The following SPTB variants were observed in gnomAD, a reference collection of about 807,000 sequenced individuals.
SPTB encodes the protein spectrin beta, erythrocytic.
A neutral mutation model predicts 256.2 loss-of-function variants in SPTB; 45 were observed. The ratio of observed to expected loss-of-function variants is 0.18; its 90% confidence interval spans 0.14 to 0.23. The LOEUF is 0.23. SPTB is among the 10% of genes least tolerant of loss of function. SPTB has a pLI of 1.00. For synonymous variants in SPTB, 1,231 were observed against 1,243.1 expected, an observed-to-expected ratio of 0.99 and a Z score of 0.21; for missense variants, 2,715 against 3,040.4, an observed-to-expected ratio of 0.89 and a Z score of 2.52.
chr14:64,772,871 G>C lies in SPTB; in HGVS notation c.5262C>G (p.Ile1754Met). Residue 1754 changes from isoleucine (I) to methionine (M), a missense_variant, in exon 26 of 36, where the codon ATC becomes ATG. This residue lies in a region of SPTB where 2,239 missense variants were observed against 2,384.4 expected (regional missense o/e 0.94). Transcript: ENST00000644917. The surrounding 1 kb of genome is among the most constrained non-coding windows in gnomAD (Gnocchi z 5.4). ...QERVDNVNAF[I>M]ERLIDAGHSE... is the part of the protein sequence containing the mutation. ...TGTGGCCCGCGTCGATGAGTCGCTC[G>C]ATGAAGGCATTCACATTGTCCACCC... 6.2e-7 allele frequency: 1 copy of C among 1,610,900 alleles called. No individual in the cohort carries two copies. Among genetic ancestry groups the C allele is most frequent in the East Asian group, 2.2e-5 (1 of 44,802 alleles).
intron 2 of SPTB, among the ~76,000 whole-genome samples, chr14:64,821,631 C>A (rs891799705): frequency 6.6e-6 from 1 of 152,182 alleles, no homozygotes; most frequent in Non-Finnish European, 1.5e-5. Flanking sequence ...TACACAAAAG[C>A]AATGGGTCAC....
In SPTB at chr14:64,860,507, G is replaced by GT. The variant is rs758862990; in HGVS notation, c.-52+19284dup. 3.2e-3 allele frequency among the ~76,000 whole-genome samples: 470 copies of GT among 147,276 alleles called. 2 individuals carry two copies. The highest frequency in any genetic ancestry group is 9.6e-3 in the African/African-American group (388 of 40,318). ...GCACATGTGTGGAAGCCAGGTCTGTGTTTTTTTTTTTATAACTATGCTTCA... is the reference window on the plus strand; with the variant it reads ...GCACATGTGTGGAAGCCAGGTCTGTGTTTTTTTTTTTTATAACTATGCTTCA... On this transcript the variant is annotated intron_variant, in intron 1 of 35. Coordinates refer to ENST00000644917, the MANE Select transcript of SPTB (RefSeq NM_001355436.2).
rs2083599746 is a variant in SPTB, at chr14:64,841,099, T to G, written c.-51-17954A>C. The stretch of plus-strand genomic sequence containing the variant: ...TTGTGTATTTATTGAGAGTTTACCT[T>G]GTGCCTGGCATTGGATTTTGTAAAC... On this transcript the variant is annotated intron_variant, in intron 1 of 35. Coordinates refer to ENST00000644917, the MANE Select transcript of SPTB (RefSeq NM_001355436.2). This position sits in a 1 kb window ranked among gnomAD's most constrained non-coding sequence, Gnocchi z 4.6. Among the ~76,000 whole-genome samples, 1 of 152,208 alleles carries G rather than the reference T, an allele frequency of 6.6e-6. No individual in the cohort carries two copies. Among genetic ancestry groups the G allele is most frequent in the South Asian group, 2.1e-4 (1 of 4,836 alleles).
In SPTB at chr14:64,795,553, C is replaced by T; in HGVS notation, c.1428G>A (p.Glu476=). The part of the protein sequence containing the change: ...AIETDTAAYE[E]RVRALEDLAQ... Reference sequence around the variant, plus strand: ...CCAGGTCCTCCAGGGCTCTCACCCGCTCCTCGTAGGCAGCCGTGTCGGTCT... The same window carrying T: ...CCAGGTCCTCCAGGGCTCTCACCCGTTCCTCGTAGGCAGCCGTGTCGGTCT... The change falls in exon 12 of 36, where the codon GAG becomes GAA. Residue 476 remains glutamate (E), a synonymous_variant. Transcript: ENST00000644917. The surrounding 1 kb of genome is among the most constrained non-coding windows in gnomAD (Gnocchi z 6.5). 3 of 1,614,176 alleles carry T rather than the reference C, an allele frequency of 1.9e-6. No individual in the cohort carries two copies. The highest frequency in any genetic ancestry group is 1.7e-6 in the Non-Finnish European group (2 of 1,180,030).
chr14:64,869,032 A>G (rs1027412019), intron 1 of SPTB, among the ~76,000 whole-genome samples: 1 of 152,162 alleles, frequency 6.6e-6, no homozygotes, highest in African/African-American at 2.4e-5. Flanking sequence ...ATTAAAAAAA[A>G]AAAAAAGAAA....
Position 64,790,592 on chromosome 14 carries a change from A to C in SPTB, c.2804+1127T>G, listed in dbSNP as rs2082652206. 6.6e-6 allele frequency among the ~76,000 whole-genome samples: 1 copy of C among 152,182 alleles called. No individual in the cohort carries two copies. Among genetic ancestry groups the C allele is most frequent in the Non-Finnish European group, 1.5e-5 (1 of 68,018 alleles). On this transcript the variant is annotated intron_variant, in intron 15 of 35. Transcript: ENST00000644917. The surrounding 1 kb of genome is among the most constrained non-coding windows in gnomAD (Gnocchi z 4.8). ...CTAGTGGCTCTAAAGAATTCTGGTC[A>C]TCGCTGCCTCCCCTTAGCCCCCCAG...
chr14:64,815,458 C>T (rs900013421), intron 2 of SPTB, among the ~76,000 whole-genome samples: 1 of 152,206 alleles, frequency 6.6e-6, no homozygotes, highest in African/African-American at 2.4e-5. Context: ...GAGATGACAA[C>T]AGCTATAAGC....
intron 20 of SPTB, 151 bp from the exon 21 acceptor site, chr14:64,780,082 T>C: frequency 1.4e-6 from 1 of 736,470 alleles, no homozygotes; most frequent in Non-Finnish European, 2.4e-6. Flanking sequence ...CAGTCATCTT[T>C]CCCTCTTCTG....
chr14:64,834,385 G>A (rs2083490348), intron 1 of SPTB, among the ~76,000 whole-genome samples: 1 of 151,092 alleles, frequency 6.6e-6, no homozygotes, highest in Admixed American at 6.6e-5. Context: ...CAAAAGGGAT[G>A]GGCAGTGGCA....
In SPTB at chr14:64,779,615, G is replaced by A; in HGVS notation, c.4473+110C>T. The A allele has an allele frequency of 9.5e-7, 1 of 1,056,182 alleles. No individual in the cohort carries two copies. The highest frequency in any genetic ancestry group is 1.5e-6 in the Non-Finnish European group (1 of 676,498). The allele number at this position is 1,056,182 out of a possible 1,614,324, so 65.4% of individuals were successfully genotyped here. A position where few individuals can be genotyped will look rare whatever the true frequency, so the allele number is the denominator to read the frequency against. On this transcript the variant is annotated intron_variant, in intron 21 of 35. Transcript: ENST00000644917. The surrounding 1 kb of genome is among the most constrained non-coding windows in gnomAD (Gnocchi z 4.2). ...ACAAGAACCCTATGAGATAAGGGGT[G>A]AGGTGACCAGTCATCTACTGCCAAA...
Position 64,779,186 on chromosome 14 carries a change from T to C in SPTB, c.4534A>G (p.Thr1512Ala), listed in dbSNP as rs748548058. Residue 1512 changes from threonine (T) to alanine (A), a missense_variant, in exon 22 of 36, where the codon ACT (threonine) becomes GCT (alanine). By Grantham distance (58) the Thr-to-Ala change is moderately conservative. Transcript: ENST00000644917. This position sits in a 1 kb window ranked among gnomAD's most constrained non-coding sequence, Gnocchi z 4.2. ...QSADYGTNLQ[T>A]VQLFMKKNQT... ...TTCTTCTTCATGAACAGTTGCACAG[T>C]TTGCAGATTAGTGCCATAGTCGGCT... is the stretch of plus-strand genomic sequence containing the variant. The C allele has an allele frequency of 6.2e-7, 1 of 1,614,050 alleles. No homozygotes were observed. The highest frequency in any genetic ancestry group is 8.5e-7 in the Non-Finnish European group (1 of 1,179,966).
chr14:64,757,700 G>C (rs1418263720), intron 32 of SPTB, among the ~76,000 whole-genome samples: 2 of 152,234 alleles, frequency 1.3e-5, no homozygotes, highest in Non-Finnish European at 2.9e-5. Context: ...GTGGGTACAG[G>C]AGAGGGGGAA....
Position 64,786,650 on chromosome 14 carries a change from A to G in SPTB, c.3315T>C (p.Gly1105=). The change falls in exon 16 of 36, where the codon GGT becomes GGC. Residue 1105 remains glycine (G), a synonymous_variant. Coordinates refer to ENST00000644917, the MANE Select transcript of SPTB (RefSeq NM_001355436.2). This position sits in a 1 kb window ranked among gnomAD's most constrained non-coding sequence, Gnocchi z 5.6. ...GGTGCCCGTCAATCTCATCCTTGAT[A>G]CCTGCATGCTGCTGCAGGAGCTGCT... ...EAEQLLQQHA[G]IKDEIDGHQD... 1 of 1,614,106 alleles carries G rather than the reference A, an allele frequency of 6.2e-7. No homozygotes were observed. Among genetic ancestry groups the G allele is most frequent in the Non-Finnish European group, 8.5e-7 (1 of 1,179,984 alleles).
chr14:64,799,570 ATGGCT>A (rs1190898803), intron 9 of SPTB, among the ~76,000 whole-genome samples, 172 bp downstream of exon 9: 3 of 152,324 alleles, frequency 2.0e-5, no homozygotes, highest in African/African-American at 7.2e-5. Flanking sequence ...CTCTAAGCTG[ATGGCT>A]TGGGAGAAGA....
chr14:64,786,936 C>T lies in SPTB; in HGVS notation c.3029G>A (p.Arg1010His), dbSNP rs556377923. ...LERDVAAIQA[R>H]VDALERESQQ... Reference sequence around the variant, plus strand: ...GGACTCACGCTCCAGGGCATCCACACGGGCCTGGATGGCGGCCACGTCACG... The same window carrying T: ...GGACTCACGCTCCAGGGCATCCACATGGGCCTGGATGGCGGCCACGTCACG... Residue 1010 changes from arginine (R) to histidine (H), a missense_variant, in exon 16 of 36, where the codon CGT becomes CAT. Physicochemically the swap from Arg to His is conservative, Grantham distance 29. Transcript: ENST00000644917. The surrounding 1 kb of genome is among the most constrained non-coding windows in gnomAD (Gnocchi z 5.6). The T allele has an allele frequency of 3.8e-5, 61 of 1,613,624 alleles. No homozygotes were observed. The highest frequency in any genetic ancestry group is 1.5e-4 in the Admixed American group (9 of 60,030).
In SPTB at chr14:64,823,297, T is replaced by G; in HGVS notation, c.-51-152A>C. The G allele has an allele frequency of 1.5e-6, 1 of 658,434 alleles. No individual in the cohort carries two copies. The highest frequency in any genetic ancestry group is 2.7e-6 in the Non-Finnish European group (1 of 370,716). The allele number at this position is 658,434 out of a possible 1,614,324, so 40.8% of individuals were successfully genotyped here. A position where few individuals can be genotyped will look rare whatever the true frequency, so the allele number is the denominator to read the frequency against. On this transcript the variant is annotated intron_variant, in intron 1 of 35. Transcript: ENST00000644917. The surrounding 1 kb of genome is among the most constrained non-coding windows in gnomAD (Gnocchi z 6.5). ...TGGGCGTGCTTCCTACCAGGGTCTC[T>G]GGGTCGTTTGTTATAAAATATTGCA...
intron 1 of SPTB, among the ~76,000 whole-genome samples, chr14:64,832,484 A>T (rs1240325753): frequency 6.6e-6 from 1 of 151,830 alleles, no homozygotes; most frequent in Non-Finnish European, 1.5e-5. Context: ...GGGCCCCTCC[A>T]CTTCTTCCTC....
chr14:64,762,625 T>A (rs2082110415), intron 32 of SPTB, among the ~76,000 whole-genome samples: 1 of 152,228 alleles, frequency 6.6e-6, no homozygotes. Flanking sequence ...TCTCAGCTCC[T>A]ACGTTCAGCC....
At chr14:64,767,637 G>A (rs1447743240) in intron 30 of SPTB, 26 bp downstream of exon 30, 2 of 1,612,926 alleles carry the variant, frequency 1.2e-6, no homozygotes, top group South Asian at 2.2e-5. Flanking sequence ...ACCCTCCTGA[G>A]CCTCCCAGCA....
Sources: allele counts gnomAD v4.1 joint callset (sites outside exome capture counted in the v4.1 genomes callset), GRCh38; gene constraint gnomAD v4.1.1; regional missense constraint gnomAD v4.1.1; non-coding constraint Gnocchi (gnomAD v3.1); transcripts MANE v1.5; gene names NCBI Gene and HGNC (gene_info 2026-07-23, HGNC 2026-07-21).